PCDHA3: variants seen among roughly 807,000 people sequenced by gnomAD.
PCDHA3 encodes the protein protocadherin alpha 3, also known as protocadherin alpha-3.
Under a neutral mutation model 62.2 loss-of-function variants are expected in PCDHA3, and 41 were observed. That is an observed-to-expected ratio of 0.66 (90% CI 0.51 to 0.86). The LOEUF is 0.86. PCDHA3 is among the 40% of genes least tolerant of loss of function. The pLI is 0.00. For synonymous variants in PCDHA3, 640 were observed against 555.4 expected (o/e 1.15, Z -2.14); for missense variants, 1,304 against 1,241.2 (o/e 1.05, Z -0.76).
At chr5:140,867,360 T>C (rs1172405251) in intron 1 of PCDHA3, 1 of 152,152 alleles carries the variant, frequency 6.6e-6, no homozygotes, top group Non-Finnish European at 1.5e-5. Flanking sequence ...TTGATTATTT[T>C]ACAGATGCGT....
chr5:140,941,185 C>CT (rs782102770), intron 1 of PCDHA3, among the ~76,000 whole-genome samples: 18 of 102,242 alleles, frequency 1.8e-4, no homozygotes, highest in East Asian at 3.7e-4. Flanking sequence ...CATCCTGCTT[C>CT]TTTTTTTTTC....
At chr5:141,000,429 T>A (rs1327595966) in intron 3 of PCDHA3, among the ~76,000 whole-genome samples, 40 of 124,862 alleles carry the variant, frequency 3.2e-4, no homozygotes, top group African/African-American at 1.1e-3. Flanking sequence ...ATATTTTTTT[T>A]TTTTTTTTTT....
intron 1 of PCDHA3, chr5:140,842,676 C>T (rs2150341725): frequency 6.3e-7 from 1 of 1,595,430 alleles, no homozygotes. Context: ...AACGACAATG[C>T]TCCGGCGTTC....
At chr5:140,965,670 G>A (rs2095922284) in intron 1 of PCDHA3, among the ~76,000 whole-genome samples, 1 of 152,144 alleles carries the variant, frequency 6.6e-6, no homozygotes, top group Non-Finnish European at 1.5e-5. Flanking sequence ...GGTGATAAAT[G>A]TAAAAGATTT....
chr5:140,808,957 G>A, intron 1 of PCDHA3: 4 of 1,613,546 alleles, frequency 2.5e-6, no homozygotes, highest in Non-Finnish European at 3.4e-6. Context: ...TGGGCCACGT[G>A]GTGGCAAAGG....
intron 1 of PCDHA3, among the ~76,000 whole-genome samples, chr5:140,940,295 G>A (rs1363509137): frequency 5.3e-5 from 8 of 152,110 alleles, no homozygotes; most frequent in Non-Finnish European, 1.0e-4. Flanking sequence ...TGCTTCATCA[G>A]TAATTTATTA....
At chr5:140,870,243 C>T (rs782592982) in intron 1 of PCDHA3, 1 of 1,614,178 alleles carries the variant, frequency 6.2e-7, no homozygotes, top group South Asian at 1.1e-5. Flanking sequence ...ACTCAGGTGT[C>T]AACGGACAGG....
intron 1 of PCDHA3, chr5:140,850,732 G>A (rs1320738084): frequency 6.3e-7 from 1 of 1,597,840 alleles, no homozygotes; most frequent in Non-Finnish European, 8.6e-7. Context: ...AGCGCGGTGG[G>A]GAGTTGGTCG....
intron 1 of PCDHA3, chr5:140,871,048 C>G (rs1472650820): frequency 6.2e-7 from 1 of 1,613,230 alleles, no homozygotes; most frequent in Non-Finnish European, 8.5e-7. Flanking sequence ...ACTTCTAGTA[C>G]TGGTGAAGGA....
At chr5:140,972,906 C>T (rs1554234702) in intron 1 of PCDHA3, among the ~76,000 whole-genome samples, 1 of 152,048 alleles carries the variant, frequency 6.6e-6, no homozygotes, top group African/African-American at 2.4e-5. Context: ...TTGTGATCCA[C>T]CCGCCTTGGC....
At chr5:140,829,705 C>G (rs2150172886) in intron 1 of PCDHA3, 4 of 1,613,374 alleles carry the variant, frequency 2.5e-6, no homozygotes, top group East Asian at 4.5e-5. Context: ...TGAGCGCGCG[C>G]GACGCGGGCG....
At chr5:140,818,443 C>T (rs1042756863) in intron 1 of PCDHA3, among the ~76,000 whole-genome samples, 1 of 152,150 alleles carries the variant, frequency 6.6e-6, no homozygotes, top group Non-Finnish European at 1.5e-5. Context: ...TGGGTACTGG[C>T]TAATGTCAAA....
chr5:140,875,172 C>A (rs999085761), intron 1 of PCDHA3: 1 of 386,866 alleles, frequency 2.6e-6, no homozygotes. Context: ...AAAGTCGAAA[C>A]ATTAGAATTA....
At chr5:140,857,189 A>C (rs782018937) in intron 1 of PCDHA3, 1 of 1,598,598 alleles carries the variant, frequency 6.3e-7, no homozygotes, top group Non-Finnish European at 8.6e-7. Context: ...TTCAGGAGCC[A>C]ACGGACAGGT....
intron 1 of PCDHA3, among the ~76,000 whole-genome samples, chr5:140,977,739 T>C (rs1198089748): frequency 1.3e-5 from 2 of 152,206 alleles, no homozygotes; most frequent in South Asian, 2.1e-4. Context: ...CTGGGTGTTA[T>C]GAAGAAATGT....
At chr5:140,928,495 A>G in intron 1 of PCDHA3, 2 of 1,614,206 alleles carry the variant, frequency 1.2e-6, no homozygotes, top group South Asian at 1.1e-5. Flanking sequence ...CATTCCTCCC[A>G]GAAGTGCAAC....
chr5:140,905,664 T>A (rs1456741391), intron 1 of PCDHA3, among the ~76,000 whole-genome samples: 1 of 152,246 alleles, frequency 6.6e-6, no homozygotes, highest in African/African-American at 2.4e-5. Flanking sequence ...CTGTCATCCA[T>A]TAACATGGAA....
chr5:141,010,470 G>A lies in PCDHA3; in HGVS notation c.*533G>A. ...ACAGCGGAAGTTATCAGTATGGAGG[G>A]GAAGTGTAAACTTAAAGGGACCAGA... On this transcript the variant is annotated 3_prime_UTR_variant, in exon 4 of 4. Transcript: ENST00000522353. The A allele has an allele frequency of 2.6e-6, 2 of 780,290 alleles. No homozygotes were observed. The highest frequency in any genetic ancestry group is 3.0e-5 in the East Asian group (1 of 33,872). 48.3% of individuals were successfully genotyped at this position (780,290 alleles called of 1,614,324 possible).
intron 1 of PCDHA3, among the ~76,000 whole-genome samples, chr5:140,957,038 C>A (rs534661886): frequency 2.0e-5 from 3 of 151,928 alleles, no homozygotes; most frequent in African/African-American, 7.3e-5. Context: ...TTATGGGAGT[C>A]ATATAAAATA....
Sources: gnomAD v4.1 joint callset for allele counts (sites outside exome capture counted in the v4.1 genomes callset) on GRCh38, gnomAD v4.1.1 for gene constraint, MANE v1.5 for transcripts, NCBI Gene and HGNC (gene_info 2026-07-23, HGNC 2026-07-21) for gene names.